LANCL3: variants seen among roughly 807,000 people sequenced by gnomAD.
The protein encoded by LANCL3 is LanC like family member 3, also known as lanC-like protein 3.
In LANCL3, 19 loss-of-function variants were observed where a neutral mutation model predicts 26.5. The ratio of observed to expected loss-of-function variants is 0.72; its 90% CI spans 0.50 to 1.05. LANCL3 has a LOEUF of 1.05. LANCL3 is among the 50% of genes least tolerant of loss of function. The pLI, the probability that LANCL3 is intolerant of heterozygous loss-of-function variation, is 0.00. For synonymous variants in LANCL3, 160 were observed against 166.6 expected (o/e 0.96, Z 0.30); for missense variants, 318 against 362.7 (o/e 0.88, Z 1.00).
chrX:37,672,275 G>A (rs1297207371), intron 4 of LANCL3, among the ~76,000 whole-genome samples: 1 of 111,657 alleles, frequency 9.0e-6, no homozygotes, highest in Non-Finnish European at 1.9e-5. Context: ...CAGAGTCTTG[G>A]TTATAAGATT....
intron 1 of LANCL3, among the ~76,000 whole-genome samples, chrX:37,585,457 T>C (rs1264559130): frequency 8.9e-6 from 1 of 111,983 alleles, no homozygotes; most frequent in Non-Finnish European, 1.9e-5. Context: ...CTCTAAGGAC[T>C]TGCTTTATGA....
At chrX:37,647,184 G>A (rs1428822645) in intron 1 of LANCL3, among the ~76,000 whole-genome samples, 1 of 110,437 alleles carries the variant, frequency 9.1e-6, no homozygotes, top group Non-Finnish European at 1.9e-5. Flanking sequence ...CGTGGTGGCA[G>A]GCGCCTGTAG....
chrX:37,648,257 C>A (rs1218235089), intron 1 of LANCL3, among the ~76,000 whole-genome samples: 1 of 112,298 alleles, frequency 8.9e-6, no homozygotes, highest in African/African-American at 3.2e-5. Context: ...TTTGTATACT[C>A]CAGATATACA....
chrX:37,574,341 C>A (rs1386228181), intron 1 of LANCL3, among the ~76,000 whole-genome samples: 4 of 111,525 alleles, frequency 3.6e-5, no homozygotes, highest in Non-Finnish European at 7.5e-5. Flanking sequence ...GAATTTGTGT[C>A]ATTTCTCTAT....
intron 1 of LANCL3, among the ~76,000 whole-genome samples, chrX:37,655,199 C>T (rs782763495): frequency 4.5e-5 from 5 of 112,132 alleles, no homozygotes; most frequent in Non-Finnish European, 9.4e-5. Flanking sequence ...ACAGTGAGTC[C>T]GTCATACTGC....
In LANCL3 at chrX:37,586,265, G is replaced by A. The variant is rs112689247; in HGVS notation, c.573+13822G>A. The stretch of plus-strand genomic sequence containing the variant: ...CATTTCAACTTTGGTGAATCTGACC[G>A]TTATGTGTCTTGGAGTTGCTGTTCT... On this transcript the variant is annotated intron_variant, in intron 1 of 4. Coordinates refer to ENST00000378619, the MANE Select transcript of LANCL3 (RefSeq NM_001170331.2). 7.8e-3 allele frequency among the ~76,000 whole-genome samples: 870 copies of A among 110,958 alleles called. 11 individuals are homozygous for A. The highest frequency in any genetic ancestry group is 0.027 in the African/African-American group (816 of 30,432).
rs1923576825 is a variant in LANCL3 at position 37,571,734 on chromosome X, C to G, written c.-137C>G. The G allele has an allele frequency of 2.0e-6, 1 of 491,751 alleles. No homozygotes were observed. Among genetic ancestry groups the G allele is most frequent in the Non-Finnish European group, 3.3e-6 (1 of 306,831 alleles). 40.5% of individuals were successfully genotyped at this position (491,751 alleles called of 1,213,427 possible). On this transcript the variant is annotated 5_prime_UTR_variant, in exon 1 of 5. Transcript: ENST00000378619. ...TTGCCCGCCTCCTCTTGTCACCTCCCGTCTCATCCTTCTCGCTCCTTCCCC... is the reference window on the plus strand; with the variant it reads ...TTGCCCGCCTCCTCTTGTCACCTCCGGTCTCATCCTTCTCGCTCCTTCCCC...
chrX:37,671,825 A>T (rs1325097630), intron 4 of LANCL3, among the ~76,000 whole-genome samples: 1 of 112,293 alleles, frequency 8.9e-6, no homozygotes, highest in Non-Finnish European at 1.9e-5. Flanking sequence ...GAATGCACTG[A>T]AGGGCAAATA....
intron 1 of LANCL3, among the ~76,000 whole-genome samples, chrX:37,633,429 C>A (rs782802460): frequency 2.7e-5 from 3 of 111,733 alleles, no homozygotes; most frequent in Non-Finnish European, 5.6e-5. Flanking sequence ...TCTCTCACCT[C>A]GTCAAAGTCA....
chrX:37,646,393 C>A (rs1390499388), intron 1 of LANCL3, among the ~76,000 whole-genome samples: 1 of 112,258 alleles, frequency 8.9e-6, no homozygotes, highest in Non-Finnish European at 1.9e-5. Flanking sequence ...CTTCTCAATA[C>A]CTTAAGTAAA....
intron 1 of LANCL3, among the ~76,000 whole-genome samples, chrX:37,613,863 C>T (rs1333817974): frequency 8.9e-6 from 1 of 112,303 alleles, no homozygotes; most frequent in Non-Finnish European, 1.9e-5. Flanking sequence ...GGCATGGATT[C>T]GATAGCAACT....
At chrX:37,656,654 G>A (rs908718463) in intron 2 of LANCL3, among the ~76,000 whole-genome samples, 2 of 112,372 alleles carry the variant, frequency 1.8e-5, no homozygotes, top group Non-Finnish European at 3.8e-5. Context: ...GTCATCCTGC[G>A]TATACTTCTA....
At chrX:37,586,929 A>G (rs1377954552) in intron 1 of LANCL3, among the ~76,000 whole-genome samples, 7 of 111,761 alleles carry the variant, frequency 6.3e-5, no homozygotes, top group Non-Finnish European at 1.3e-4. Flanking sequence ...CTGTGGTTTT[A>G]TCTACCTTTG....
At chrX:37,628,388 A>G (rs1925375378) in intron 1 of LANCL3, among the ~76,000 whole-genome samples, 1 of 111,264 alleles carries the variant, frequency 9.0e-6, no homozygotes, top group African/African-American at 3.3e-5. Flanking sequence ...TCCTACATTA[A>G]TGAAGTATAA....
At chrX:37,669,189 G>A (rs1223309923) in intron 4 of LANCL3, among the ~76,000 whole-genome samples, 1 of 111,248 alleles carries the variant, frequency 9.0e-6, no homozygotes, top group African/African-American at 3.3e-5. Flanking sequence ...ACTGTTTGTA[G>A]CTTATAATTT....
chrX:37,664,793 C>T (rs1194717166), intron 3 of LANCL3, among the ~76,000 whole-genome samples: 6 of 111,713 alleles, frequency 5.4e-5, no homozygotes, highest in Non-Finnish European at 1.1e-4. Context: ...ATTTAGCTCC[C>T]ACTTATAAGT....
At chrX:37,605,069 C>G (rs1247573028) in intron 1 of LANCL3, among the ~76,000 whole-genome samples, 2 of 111,506 alleles carry the variant, frequency 1.8e-5, no homozygotes, top group East Asian at 2.8e-4. Context: ...ATTTCACACC[C>G]CTCTATCCCC....
chrX:37,580,896 G>C (rs144351617), intron 1 of LANCL3, among the ~76,000 whole-genome samples: 317 of 112,430 alleles, frequency 2.8e-3, no homozygotes, highest in African/African-American at 9.4e-3. Flanking sequence ...ACTTGTTCCA[G>C]ATCACACAGC....
chrX:37,673,502 TC>T (rs1926729846), intron 4 of LANCL3, among the ~76,000 whole-genome samples: 1 of 111,231 alleles, frequency 9.0e-6, no homozygotes, highest in African/African-American at 3.3e-5. Context: ...TGTCTTCTAT[TC>T]TTTTTAGTCC....
Sources: allele counts gnomAD v4.1 joint callset (sites outside exome capture counted in the v4.1 genomes callset), GRCh38; gene constraint gnomAD v4.1.1; transcripts MANE v1.5; gene names NCBI Gene and HGNC (gene_info 2026-07-23, HGNC 2026-07-21).